Variants in NTM observed in about 807,000 individuals in gnomAD.
NTM encodes the protein IgLON family member 2.
Under a neutral mutation model 42.1 loss-of-function variants are expected in NTM, and 13 were observed. The ratio of observed to expected loss-of-function variants is 0.31; its 90% CI spans 0.20 to 0.49. The LOEUF (loss-of-function observed/expected upper bound fraction) is 0.49, where lower values mean the gene tolerates loss of function less well. Ranked by LOEUF, NTM falls within the 20% of genes least tolerant of loss-of-function variation. NTM has a pLI of 0.99. For synonymous variants in NTM, 187 were observed against 179.2 expected (o/e 1.04, Z -0.35); for missense variants, 373 against 452.8 (o/e 0.82, Z 1.60).
At chr11:131,915,864 A>G (rs144491778) in intron 2 of NTM, among the ~76,000 whole-genome samples, 187 of 152,318 alleles carry the variant, frequency 1.2e-3, no homozygotes, top group African/African-American at 4.2e-3. Flanking sequence ...CGATGATTCA[A>G]TTATCTCCCA....
chr11:131,949,635 A>G (rs77872817), intron 2 of NTM, among the ~76,000 whole-genome samples: 9,337 of 152,270 alleles, frequency 0.061, 403 homozygotes, highest in Middle Eastern at 0.16. Flanking sequence ...CCCTATACCT[A>G]GAACAGTGAC....
rs543602164 is a variant in NTM at position 131,659,481 on chromosome 11, G to A, written c.83-252083G>A. Among the ~76,000 whole-genome samples the A allele has an allele frequency of 2.0e-5, 3 of 152,254 alleles. No individual in the cohort carries two copies. In the South Asian group the frequency reaches 6.2e-4, roughly 32 times the overall value. ...AAGCTTTCTATAGGGCATGGTGGCC[G>A]GGCCATCGACTTCAAGGTCCTCTGG... On this transcript the variant is annotated intron_variant, in intron 1 of 8. Transcript: ENST00000683400.
At chr11:131,950,341 T>A (rs2060837207) in intron 2 of NTM, among the ~76,000 whole-genome samples, 1 of 152,182 alleles carries the variant, frequency 6.6e-6, no homozygotes, top group Admixed American at 6.5e-5. Flanking sequence ...CTTGCCTGGT[T>A]TTCTGGGCAT....
intron 4 of NTM, among the ~76,000 whole-genome samples, chr11:132,245,997 T>C (rs968264384): frequency 2.6e-5 from 4 of 152,102 alleles, no homozygotes; most frequent in South Asian, 2.1e-4. Context: ...CCCTGTCCTA[T>C]AGGGGTTTGA....
chr11:132,010,331 G>A (rs533550632), intron 2 of NTM, among the ~76,000 whole-genome samples: 33 of 152,300 alleles, frequency 2.2e-4, no homozygotes, highest in Middle Eastern at 3.4e-3. Flanking sequence ...AGAAGACAAG[G>A]ATAAGGATTT....
intron 1 of NTM, among the ~76,000 whole-genome samples, chr11:131,706,076 C>T (rs762365651): frequency 1.1e-4 from 16 of 151,984 alleles, no homozygotes; most frequent in Non-Finnish European, 1.9e-4. Context: ...CAACTGCATG[C>T]TACCTTTAAG....
intron 1 of NTM, among the ~76,000 whole-genome samples, chr11:131,646,090 A>G (rs1487805800): frequency 6.6e-6 from 1 of 152,248 alleles, no homozygotes; most frequent in Non-Finnish European, 1.5e-5. Context: ...CTTCCTGGGC[A>G]GGCTTCAAGG....
At chr11:131,793,729 G>A (rs550767444) in intron 1 of NTM, among the ~76,000 whole-genome samples, 8 of 152,180 alleles carry the variant, frequency 5.3e-5, no homozygotes, top group African/African-American at 1.4e-4. Flanking sequence ...TCAAAAATGG[G>A]GATCGGCATG....
intron 4 of NTM, among the ~76,000 whole-genome samples, chr11:132,286,524 C>A (rs111464522): frequency 1.5e-4 from 23 of 152,274 alleles, no homozygotes; most frequent in Admixed American, 9.2e-4. Context: ...CCGCCCCCCC[C>A]ACCCAAACAC....
At chr11:131,725,312 A>G (rs1324056902) in intron 1 of NTM, among the ~76,000 whole-genome samples, 1 of 152,220 alleles carries the variant, frequency 6.6e-6, no homozygotes, top group Non-Finnish European at 1.5e-5. Context: ...TTTTGGGCTT[A>G]TATTCTAGCA....
chr11:132,241,317 G>C (rs573573778), intron 4 of NTM, among the ~76,000 whole-genome samples: 123 of 151,920 alleles, frequency 8.1e-4, no homozygotes, highest in Non-Finnish European at 1.5e-3. Flanking sequence ...TTTCCTTTTG[G>C]CATATAAAGC....
At chr11:132,219,864 T>C (rs1298741251) in intron 4 of NTM, among the ~76,000 whole-genome samples, 5 of 152,150 alleles carry the variant, frequency 3.3e-5, no homozygotes. Context: ...GGAAGGAAAC[T>C]CAAGTTATTT....
chr11:131,994,076 C>T (rs921283581), intron 2 of NTM, among the ~76,000 whole-genome samples: 7 of 151,296 alleles, frequency 4.6e-5, no homozygotes, highest in Non-Finnish European at 7.4e-5. Context: ...ATCAAGGGAG[C>T]TCGTGTCTCT....
intron 7 of NTM, among the ~76,000 whole-genome samples, chr11:132,319,368 G>A (rs1224650297): frequency 6.6e-6 from 1 of 152,198 alleles, no homozygotes; most frequent in Non-Finnish European, 1.5e-5. Context: ...CCCTTTCCTA[G>A]TCAAAGAAAG....
At chr11:131,923,880 A>C (rs2057570340) in intron 2 of NTM, among the ~76,000 whole-genome samples, 1 of 152,212 alleles carries the variant, frequency 6.6e-6, no homozygotes, top group African/African-American at 2.4e-5. Flanking sequence ...TGGCTCAGCC[A>C]CTGGGTATAT....
chr11:131,593,504 A>G (rs1227560388), intron 1 of NTM, among the ~76,000 whole-genome samples: 1 of 152,158 alleles, frequency 6.6e-6, no homozygotes, highest in East Asian at 1.9e-4. Context: ...AGCCAAGTGT[A>G]AAGGCTCCCC....
At chr11:132,316,793 TGGCTCCTAGGTTCATTATTGA>T (rs1258962737) in intron 7 of NTM, among the ~76,000 whole-genome samples, 2 of 152,178 alleles carry the variant, frequency 1.3e-5, no homozygotes, top group African/African-American at 4.8e-5. Flanking sequence ...GATGTTATTG[TGGCTCCTAGGTTCATTATTGA>T]GGCTCACCAT....
chr11:131,581,293 T>C (rs1467030602), intron 1 of NTM, among the ~76,000 whole-genome samples: 1 of 152,132 alleles, frequency 6.6e-6, no homozygotes, highest in Non-Finnish European at 1.5e-5. Context: ...ACTGTTCTTT[T>C]CCTCGGTCCC....
chr11:131,756,714 C>T (rs1479270872), intron 1 of NTM, among the ~76,000 whole-genome samples: 1 of 151,996 alleles, frequency 6.6e-6, no homozygotes, highest in Admixed American at 6.6e-5. Context: ...TTGCTATAAT[C>T]AGGGATTATC....
Sources: allele counts gnomAD v4.1 joint callset (sites outside exome capture counted in the v4.1 genomes callset), GRCh38; gene constraint gnomAD v4.1.1; transcripts MANE v1.5; gene names NCBI Gene and HGNC (gene_info 2026-07-23, HGNC 2026-07-21).